The following LOXL2 variants were observed in gnomAD, a reference collection of about 807,000 sequenced individuals.
LOXL2 encodes the protein lysyl oxidase like 2.
Under a neutral mutation model 93.0 loss-of-function variants are expected in LOXL2, and 70 were observed. That is an observed-to-expected ratio of 0.75 (90% CI 0.62 to 0.92). The LOEUF (loss-of-function observed/expected upper bound fraction) is 0.92. Among genes scored for constraint, LOXL2 ranks in the 40% least tolerant of loss-of-function variants. The pLI, the probability that LOXL2 is intolerant of heterozygous loss-of-function variation, is 0.00. For synonymous variants in LOXL2, 438 were observed against 413.2 expected (o/e 1.06, Z -0.73); for missense variants, 973 against 1,054.9 (o/e 0.92, Z 1.08).
At chr8:23,373,884 G>GTCA (rs1804543035) in intron 1 of LOXL2, among the ~76,000 whole-genome samples, 3 of 151,530 alleles carry the variant, frequency 2.0e-5, no homozygotes, top group African/African-American at 7.3e-5. Context: ...ATCCCCCAAG[G>GTCA]GCTTCAGAGA....
At position 23,368,000 on chromosome 8, in the gene LOXL2, C is replaced by A; in HGVS notation, c.352G>T (p.Glu118Ter). Residue 118 changes from glutamate to a stop codon, truncating the protein, a stop_gained, in exon 2 of 14, where the codon GAA becomes TAA. Coordinates refer to ENST00000389131, the MANE Select transcript of LOXL2 (RefSeq NM_002318.3). LOFTEE classifies it high-confidence loss of function. Reference sequence around the variant, plus strand: ...ATCCAAAGCACAGAGCGTTTACCTTCTCCCTTGCCGTAGGAGGAGCTGGCA... The same window carrying A: ...ATCCAAAGCACAGAGCGTTTACCTTATCCCTTGCCGTAGGAGGAGCTGGCA... Reference protein sequence around the residue: ...WTASSSYGKGEGPIWLDNLHC... With the variant: ...WTASSSYGKG 1 of 1,611,590 alleles carries A rather than the reference C, an allele frequency of 6.2e-7. No individual in the cohort carries two copies. Among genetic ancestry groups the A allele is most frequent in the Non-Finnish European group, 8.5e-7 (1 of 1,178,782 alleles).
rs753314329 is a variant in LOXL2 at position 23,386,059 on chromosome 8, G to A, written c.-83-17625C>T. 6.5e-6 allele frequency: 5 copies of A among 765,040 alleles called. No homozygotes were observed. In the East Asian group the frequency reaches 7.3e-5, roughly 11 times the overall value. 47.4% of individuals were successfully genotyped at this position (765,040 alleles called of 1,614,324 possible). A position where few individuals can be genotyped will look rare whatever the true frequency, so the allele number is the denominator to read the frequency against. On this transcript the variant is annotated intron_variant, in intron 1 of 13. Coordinates refer to ENST00000389131, the MANE Select transcript of LOXL2 (RefSeq NM_002318.3). ...ATCCCTATTTTCCTAAGGAAAAACC[G>A]AGAGACAGAAAGGCTACATGATTTT... is the stretch of plus-strand genomic sequence containing the variant.
intron 1 of LOXL2, among the ~76,000 whole-genome samples, chr8:23,398,917 A>G (rs549501639): frequency 6.0e-4 from 92 of 152,288 alleles, no homozygotes; most frequent in Non-Finnish European, 1.1e-3. Flanking sequence ...AGGGCTGCCA[A>G]TACGCTTGGC....
At chr8:23,400,850 G>A (rs1800144849) in intron 1 of LOXL2, among the ~76,000 whole-genome samples, 1 of 152,190 alleles carries the variant, frequency 6.6e-6, no homozygotes, top group African/African-American at 2.4e-5. Flanking sequence ...GGGCAGCTCT[G>A]AGCCCTTACA....
At chr8:23,373,175 T>C (rs994028639) in intron 1 of LOXL2, among the ~76,000 whole-genome samples, 9 of 152,206 alleles carry the variant, frequency 5.9e-5, no homozygotes, top group African/African-American at 2.2e-4. Context: ...CAAGAATTCA[T>C]TGAGCTCCTA....
Position 23,335,035 on chromosome 8 carries a change from G to C in LOXL2, c.744-1412C>G, listed in dbSNP as rs570762014. ...TTCACCGTGTTGCCAGGCTGCTCTC[G>C]AACTCCTGACCTCAGGTAATCTGCC... On this transcript the variant is annotated intron_variant, in intron 4 of 13. Transcript: ENST00000389131. Among the ~76,000 whole-genome samples the C allele has an allele frequency of 3.9e-5, 6 of 152,126 alleles. No individual in the cohort carries two copies. The South Asian group carries it at 6.2e-4, about 16-fold the overall frequency.
intron 10 of LOXL2, among the ~76,000 whole-genome samples, chr8:23,308,125 T>C (rs560015926): frequency 2.6e-5 from 4 of 152,292 alleles, no homozygotes; most frequent in African/African-American, 7.2e-5. Context: ...TGTCCTTTTC[T>C]AGGAGAACGA....
intron 9 of LOXL2, among the ~76,000 whole-genome samples, chr8:23,311,319 G>A (rs180918625): frequency 6.6e-6 from 1 of 152,338 alleles, no homozygotes; most frequent in African/African-American, 2.4e-5. Context: ...GCACACAGAT[G>A]GCACATGGGG....
chr8:23,380,710 C>T (rs1478589582), intron 1 of LOXL2, among the ~76,000 whole-genome samples: 1 of 151,944 alleles, frequency 6.6e-6, no homozygotes, highest in Non-Finnish European at 1.5e-5. Flanking sequence ...AAAACACAAA[C>T]AAGTGAAAGG....
At chr8:23,367,387 T>C (rs1804420679) in intron 2 of LOXL2, among the ~76,000 whole-genome samples, 1 of 152,114 alleles carries the variant, frequency 6.6e-6, no homozygotes, top group African/African-American at 2.4e-5. Flanking sequence ...CTAATAAATT[T>C]GAACCTCACA....
chr8:23,322,847 G>C (rs1209341883), intron 6 of LOXL2, among the ~76,000 whole-genome samples: 6 of 152,212 alleles, frequency 3.9e-5, no homozygotes, highest in Non-Finnish European at 8.8e-5. Flanking sequence ...TCCCTGCTAG[G>C]GGCTGAGGAT....
intron 13 of LOXL2, 50 bp from the exon 14 acceptor site, chr8:23,298,172 C>T: frequency 7.0e-7 from 1 of 1,430,304 alleles, no homozygotes. Context: ...GATGCTCGGG[C>T]CTTGCCTGAC....
In LOXL2 at chr8:23,297,864, C is replaced by T. The variant is rs1262008107; in HGVS notation, c.*179G>A. 2 of 578,482 alleles carry T rather than the reference C, an allele frequency of 3.5e-6. No homozygotes were observed. The highest frequency in any genetic ancestry group is 3.8e-5 in the African/African-American group (2 of 53,294). 35.8% of individuals were successfully genotyped at this position (578,482 alleles called of 1,614,324 possible). A position where few individuals can be genotyped will look rare whatever the true frequency, so the allele number is the denominator to read the frequency against. ...GCCCCAAGGGTCAGGTAGCAGCCCC[C>T]CATGAATGATGGGAGGGTCCCTTTC... On this transcript the variant is annotated 3_prime_UTR_variant, in exon 14 of 14. Coordinates refer to ENST00000389131, the MANE Select transcript of LOXL2 (RefSeq NM_002318.3).
chr8:23,330,812 TG>T (rs763220990), intron 5 of LOXL2, among the ~76,000 whole-genome samples: 45 of 67,450 alleles, frequency 6.7e-4, no homozygotes, highest in Non-Finnish European at 1.1e-3. Flanking sequence ...GGTGGGGGTT[TG>T]GGGGGTGGTG....
chr8:23,316,783 G>C (rs1803407831), intron 9 of LOXL2, 166 bp downstream of exon 9: 1 of 636,626 alleles, frequency 1.6e-6, no homozygotes, highest in African/African-American at 1.8e-5. Context: ...ATCTGTGGTT[G>C]GGGTGGCGGT....
rs951748454 is a variant in LOXL2 at position 23,404,024 on chromosome 8, G to A, written c.-154C>T. ...ACGGTGGTCCCCCTCCGCTTCCGCC[G>A]CCGCTGAGCCCCTTTCTCGAGCAGA... On this transcript the variant is annotated 5_prime_UTR_variant, in exon 1 of 14. Coordinates refer to ENST00000389131, the MANE Select transcript of LOXL2 (RefSeq NM_002318.3). 1 of 181,032 alleles carries A rather than the reference G, an allele frequency of 5.5e-6. No homozygotes were observed. The highest frequency in any genetic ancestry group is 8.2e-5 in the South Asian group (1 of 12,242). The allele number at this position is 181,032 out of a possible 1,614,324, so 11.2% of individuals were successfully genotyped here. A position where few individuals can be genotyped will look rare whatever the true frequency, so the allele number is the denominator to read the frequency against.
intron 11 of LOXL2, among the ~76,000 whole-genome samples, chr8:23,302,907 G>A (rs1803164246): frequency 6.6e-6 from 1 of 152,148 alleles, no homozygotes; most frequent in Admixed American, 6.5e-5. Flanking sequence ...CACCTGGTGT[G>A]GTAGGGACAC....
intron 2 of LOXL2, among the ~76,000 whole-genome samples, chr8:23,360,707 A>G (rs1804275099): frequency 6.6e-6 from 1 of 152,146 alleles, no homozygotes; most frequent in South Asian, 2.1e-4. Context: ...GCCTGTGCCT[A>G]GTTCATTGCT....
intron 2 of LOXL2, chr8:23,365,614 C>T (rs1472991841): frequency 6.6e-6 from 1 of 151,784 alleles, no homozygotes; most frequent in African/African-American, 2.4e-5. Flanking sequence ...ATGACCTTTC[C>T]AGTACTCCTG....
Sources: allele counts gnomAD v4.1 joint callset (sites outside exome capture counted in the v4.1 genomes callset), GRCh38; gene constraint gnomAD v4.1.1; transcripts MANE v1.5; gene names NCBI Gene and HGNC (gene_info 2026-07-23, HGNC 2026-07-21).